Variants in CGNL1 observed in about 807,000 individuals in gnomAD.
CGNL1 encodes the protein cingulin-like protein 1.
CGNL1 carries 132 observed loss-of-function variants against 141.2 expected under a neutral mutation model. The observed-to-expected ratio is 0.93, with a 90% CI of 0.81 to 1.08. The LOEUF (loss-of-function observed/expected upper bound fraction) is 1.08. Ranked by LOEUF, CGNL1 falls within the 50% of genes least tolerant of loss-of-function variation. The pLI, the probability that CGNL1 is intolerant of heterozygous loss-of-function variation, is 0.00. For synonymous variants in CGNL1, 690 were observed against 622.1 expected (o/e 1.11, Z -1.63); for missense variants, 1,870 against 1,588.6 (o/e 1.18, Z -3.01).
intron 1 of CGNL1, among the ~76,000 whole-genome samples, chr15:57,435,704 C>T (rs2063098357): frequency 6.6e-6 from 1 of 151,976 alleles, no homozygotes; most frequent in East Asian, 1.9e-4. Context: ...CAACACTATG[C>T]TACTGGTAGG....
chr15:57,407,122 T>G (rs890098731), intron 1 of CGNL1: 11 of 152,200 alleles, frequency 7.2e-5, no homozygotes, highest in African/African-American at 2.7e-4. Flanking sequence ...CTGAATGGCT[T>G]TCTGTATACA....
At chr15:57,411,191 C>G (rs1211582120) in intron 1 of CGNL1, among the ~76,000 whole-genome samples, 1 of 152,192 alleles carries the variant, frequency 6.6e-6, no homozygotes, top group Non-Finnish European at 1.5e-5. Flanking sequence ...GTCTCTGAGT[C>G]TTCCTTTTTA....
At chr15:57,402,898 G>C (rs577493978) in intron 1 of CGNL1, among the ~76,000 whole-genome samples, 1 of 152,152 alleles carries the variant, frequency 6.6e-6, no homozygotes, top group Non-Finnish European at 1.5e-5. Context: ...AGGGCTACAG[G>C]CTTGAATCAT....
At chr15:57,512,916 C>T (rs182648321) in intron 8 of CGNL1, among the ~76,000 whole-genome samples, 1 of 151,768 alleles carries the variant, frequency 6.6e-6, no homozygotes, top group Non-Finnish European at 1.5e-5. Flanking sequence ...CATCCCTACT[C>T]CAGCCCCAGG....
chr15:57,386,016 C>T (rs577155453), intron 1 of CGNL1, among the ~76,000 whole-genome samples: 31 of 152,344 alleles, frequency 2.0e-4, no homozygotes, highest in Middle Eastern at 3.4e-3. Context: ...TCCCTCCTTT[C>T]TTAAGTAGGG....
rs770199558 is a variant in CGNL1 at position 57,439,489 on chromosome 15, T to G, written c.1490T>G (p.Val497Gly). The G allele has an allele frequency of 1.9e-6, 3 of 1,614,106 alleles. No individual in the cohort carries two copies. The highest frequency in any genetic ancestry group is 1.7e-5 in the Admixed American group (1 of 60,022). Residue 497 changes from valine (V) to glycine (G), a missense_variant, in exon 2 of 19, where the codon GTG (valine) becomes GGG (glycine). Transcript: ENST00000281282. ...LGAQSKKEEE[V>G]KTATATLMLQ... is the part of the protein sequence containing the mutation. ...GCACAGAGTAAAAAGGAGGAGGAGG[T>G]GAAAACAGCCACCGCTACGCTGATG... is the stretch of plus-strand genomic sequence containing the variant.
chr15:57,512,499 C>T (rs1277473203), intron 8 of CGNL1, among the ~76,000 whole-genome samples: 5 of 152,092 alleles, frequency 3.3e-5, no homozygotes, highest in Non-Finnish European at 7.3e-5. Context: ...CATAGTATCG[C>T]TTTACAAATA....
intron 1 of CGNL1, among the ~76,000 whole-genome samples, chr15:57,425,201 C>T (rs1227636972): frequency 6.6e-6 from 1 of 151,894 alleles, no homozygotes; most frequent in Non-Finnish European, 1.5e-5. Flanking sequence ...CTATTTTTAA[C>T]AAAATAAGAA....
rs1361846852 is a variant in CGNL1 at position 57,376,511 on chromosome 15, C to G, written c.-72C>G. 35 of 152,218 alleles carry G rather than the reference C, an allele frequency of 2.3e-4. No homozygotes were observed. Among genetic ancestry groups the G allele is most frequent in the African/African-American group, 8.4e-4 (35 of 41,446 alleles). The allele number at this position is 152,218 out of a possible 1,614,324, so 9.4% of individuals were successfully genotyped here. ...CGGCGGCGCCGCGGCCCTTGCACTC[C>G]GGCCGGGCTCTGCTGGCTGCGGCGG... On this transcript the variant is annotated 5_prime_UTR_variant, in exon 1 of 19. Transcript: ENST00000281282.
chr15:57,526,479 T>TAA (rs1236126142), intron 12 of CGNL1, among the ~76,000 whole-genome samples: 1 of 150,946 alleles, frequency 6.6e-6, no homozygotes, highest in Non-Finnish European at 1.5e-5. Context: ...AGATCTTGGT[T>TAA]AAAAAAAAAC....
At chr15:57,543,674 G>T (rs745689405) in intron 14 of CGNL1, 22 bp from the exon 15 acceptor site, 2 of 1,597,052 alleles carry the variant, frequency 1.3e-6, no homozygotes, top group African/African-American at 1.3e-5. Flanking sequence ...TAACCTCTGG[G>T]CTTTTGTTCT....
At chr15:57,486,728 T>C (rs1595755304) in intron 8 of CGNL1, among the ~76,000 whole-genome samples, 1 of 152,188 alleles carries the variant, frequency 6.6e-6, no homozygotes, top group East Asian at 1.9e-4. Flanking sequence ...TTTGTGCATG[T>C]TGAATCTGAC....
At chr15:57,491,108 G>A (rs2063855642) in intron 8 of CGNL1, among the ~76,000 whole-genome samples, 1 of 152,112 alleles carries the variant, frequency 6.6e-6, no homozygotes, top group African/African-American at 2.4e-5. Flanking sequence ...ACTAAGGAAA[G>A]CTGAATAAAG....
chr15:57,381,432 G>T (rs958806973), intron 1 of CGNL1, among the ~76,000 whole-genome samples: 4 of 152,104 alleles, frequency 2.6e-5, no homozygotes, highest in African/African-American at 9.7e-5. Context: ...GTGGTGGTGC[G>T]TGCCTGTGGT....
In CGNL1 at chr15:57,435,862, C is replaced by T. The variant is rs79888741; in HGVS notation, c.-15-2123C>T. 6.4e-3 allele frequency among the ~76,000 whole-genome samples: 971 copies of T among 152,230 alleles called. 15 individuals are homozygous for T. Among genetic ancestry groups the T allele is most frequent in the African/African-American group, 0.022 (899 of 41,538 alleles). On this transcript the variant is annotated intron_variant, in intron 1 of 18. Transcript: ENST00000281282. Reference sequence around the variant, plus strand: ...TTAAAATGGAGACTACACCTAGTACCTGTGAAGCATTGACAAACATTATCC... The same window carrying T: ...TTAAAATGGAGACTACACCTAGTACTTGTGAAGCATTGACAAACATTATCC...
intron 12 of CGNL1, among the ~76,000 whole-genome samples, chr15:57,525,814 C>A (rs777511612): frequency 6.6e-6 from 1 of 151,912 alleles, no homozygotes; most frequent in African/African-American, 2.4e-5. Context: ...TCCCCTTTGG[C>A]TCAGGGTTAT....
intron 8 of CGNL1, among the ~76,000 whole-genome samples, chr15:57,488,225 C>A (rs938310944): frequency 2.0e-5 from 3 of 151,894 alleles, no homozygotes; most frequent in African/African-American, 7.2e-5. Context: ...TGTTCAGATT[C>A]TCTGCCTATT....
chr15:57,464,450 C>G (rs1405186557), intron 8 of CGNL1, among the ~76,000 whole-genome samples: 1 of 152,082 alleles, frequency 6.6e-6, no homozygotes, highest in Non-Finnish European at 1.5e-5. Flanking sequence ...GTGCTCTTAG[C>G]CTCTTGAGCT....
intron 1 of CGNL1, among the ~76,000 whole-genome samples, chr15:57,426,656 GC>G (rs574571964): frequency 8.2e-4 from 102 of 123,660 alleles, no homozygotes; most frequent in African/African-American, 3.2e-3. Flanking sequence ...ACAAGGTTTT[GC>G]CATGTTGCCC....
Sources: allele counts gnomAD v4.1 joint callset (sites outside exome capture counted in the v4.1 genomes callset), GRCh38; gene constraint gnomAD v4.1.1; transcripts MANE v1.5; gene names NCBI Gene and HGNC (gene_info 2026-07-23, HGNC 2026-07-21).